CEP43: variants seen among roughly 807,000 people sequenced by gnomAD.
CEP43 encodes FGFR1 oncogene partner.
A neutral mutation model predicts 52.6 loss-of-function variants in CEP43; 36 were observed. That is an observed-to-expected ratio of 0.68 (90% CI 0.52 to 0.90). The LOEUF (loss-of-function observed/expected upper bound fraction) is 0.90. Ranked by LOEUF, CEP43 falls within the 40% of genes least tolerant of loss-of-function variation. CEP43 has a pLI of 0.00. For missense variants in CEP43, 506 were observed against 472.8 expected, an observed-to-expected ratio of 1.07 and a Z score of -0.65; for synonymous variants, 192 against 172.4, an observed-to-expected ratio of 1.11 and a Z score of -0.89.
At chr6:167,016,528 C>G (rs1451516953) in intron 7 of CEP43, among the ~76,000 whole-genome samples, 1 of 152,218 alleles carries the variant, frequency 6.6e-6, no homozygotes, top group Non-Finnish European at 1.5e-5. Context: ...TCCCAAAGTG[C>G]TGGGATTACA....
intron 7 of CEP43, among the ~76,000 whole-genome samples, chr6:167,016,998 T>TTA (rs1459909735): frequency 7.4e-5 from 11 of 149,184 alleles, no homozygotes; most frequent in Middle Eastern, 3.4e-3. Context: ...TTATTTTTTT[T>TTA]TTTTTTTATT....
chr6:167,011,713 G>T, intron 6 of CEP43: 1 of 153,936 alleles, frequency 6.5e-6, no homozygotes, highest in South Asian at 1.9e-4. Context: ...CCAAGATCAC[G>T]GCATCACTGT....
At chr6:167,037,760 T>A (rs1780612763) in intron 12 of CEP43, among the ~76,000 whole-genome samples, 1 of 152,224 alleles carries the variant, frequency 6.6e-6, no homozygotes, top group Non-Finnish European at 1.5e-5. Context: ...CTACAAGATG[T>A]TCCTATTCTT....
rs1780802743 is a variant in CEP43, at chr6:167,046,492, A to G, written c.*6514A>G. 1 of 152,228 alleles carries G rather than the reference A, an allele frequency of 6.6e-6. No homozygotes were observed. The allele number at this position is 152,228 out of a possible 1,614,324, so 9.4% of individuals were successfully genotyped here. A position where few individuals can be genotyped will look rare whatever the true frequency, so the allele number is the denominator to read the frequency against. On this transcript the variant is annotated 3_prime_UTR_variant, in exon 13 of 13. Transcript: ENST00000366847. ...GCAGAAGGTGTGTTTCTGGAGTTAAACTACAGGCTTGGAAATGGAATTTCT... is the reference window on the plus strand; with the variant it reads ...GCAGAAGGTGTGTTTCTGGAGTTAAGCTACAGGCTTGGAAATGGAATTTCT...
chr6:167,013,684 T>C (rs1053226990), intron 7 of CEP43, 117 bp downstream of exon 7: 4 of 808,704 alleles, frequency 4.9e-6, no homozygotes, highest in Non-Finnish European at 6.1e-6. Flanking sequence ...TTATGAAATG[T>C]CACTTGAGGC....
At chr6:167,022,277 C>T (rs1310191169) in intron 7 of CEP43, 132 bp from the exon 8 acceptor site, 1 of 631,816 alleles carries the variant, frequency 1.6e-6, no homozygotes, top group Non-Finnish European at 2.7e-6. Flanking sequence ...CACACACACA[C>T]ACACACACAC....
At chr6:167,015,838 A>C (rs964736275) in intron 7 of CEP43, among the ~76,000 whole-genome samples, 4 of 152,210 alleles carry the variant, frequency 2.6e-5, no homozygotes, top group African/African-American at 9.6e-5. Context: ...GGCAAAACTG[A>C]AGTTCTTATT....
chr6:167,001,281 G>T lies in CEP43; in HGVS notation c.156+1168G>T, dbSNP rs368717577. Among the ~76,000 whole-genome samples the T allele has an allele frequency of 1.9e-3, 291 of 152,308 alleles. 1 individual carries two copies. Among genetic ancestry groups the T allele is most frequent in the South Asian group, 0.011 (51 of 4,826 alleles). Reference sequence around the variant, plus strand: ...CACTCTGTCTTGTGTATACTTTCAAGTCTTTAATTATTTACTGTATCTTTG... The same window carrying T: ...CACTCTGTCTTGTGTATACTTTCAATTCTTTAATTATTTACTGTATCTTTG... On this transcript the variant is annotated intron_variant, in intron 2 of 12. Transcript: ENST00000366847.
Position 167,034,031 on chromosome 6 carries a change from C to T in CEP43, c.1125+60C>T, listed in dbSNP as rs1583291411. 5.2e-5 allele frequency: 38 copies of T among 724,934 alleles called. No individual in the cohort carries two copies. In the South Asian group the frequency reaches 7.7e-4, roughly 15 times the overall value. 44.9% of individuals were successfully genotyped at this position (724,934 alleles called of 1,614,324 possible). A position where few individuals can be genotyped will look rare whatever the true frequency, so the allele number is the denominator to read the frequency against. The stretch of plus-strand genomic sequence containing the variant: ...TTTTTTTAACCTATTTGTCGATTTA[C>T]TGTAAAGCTTCAAAATTCATACTAA... On this transcript the variant is annotated intron_variant, in intron 12 of 12. Coordinates refer to ENST00000366847, the MANE Select transcript of CEP43 (RefSeq NM_007045.4).
rs1294233496 is a variant in CEP43, at chr6:167,040,557, T to G, written c.*579T>G. Reference sequence around the variant, plus strand: ...GTTTGTTAGACCATTAAGGTTATATTAAAGTACTCTTGTGTGTGCTATTTA... The same window carrying G: ...GTTTGTTAGACCATTAAGGTTATATGAAAGTACTCTTGTGTGTGCTATTTA... On this transcript the variant is annotated 3_prime_UTR_variant, in exon 13 of 13. Coordinates refer to ENST00000366847, the MANE Select transcript of CEP43 (RefSeq NM_007045.4). 2 of 1,086,640 alleles carry G rather than the reference T, an allele frequency of 1.8e-6. No individual in the cohort carries two copies. The highest frequency in any genetic ancestry group is 2.2e-6 in the Non-Finnish European group (2 of 890,066). 67.3% of individuals were successfully genotyped at this position (1,086,640 alleles called of 1,614,324 possible).
At chr6:167,033,267 C>T (rs990653556) in intron 11 of CEP43, among the ~76,000 whole-genome samples, 5 of 151,764 alleles carry the variant, frequency 3.3e-5, no homozygotes, top group Admixed American at 2.6e-4. Flanking sequence ...CGTGCCACTA[C>T]GCCTGGCTAA....
chr6:167,045,908 C>T lies in CEP43; in HGVS notation c.*5930C>T, dbSNP rs1296419519. On this transcript the variant is annotated 3_prime_UTR_variant, in exon 13 of 13. Coordinates refer to ENST00000366847, the MANE Select transcript of CEP43 (RefSeq NM_007045.4). ...GAAGCATGCTTCATCCTGCACATCC[C>T]CTCCTGCCCCAGCACCCCTACTGCC... 6.6e-6 allele frequency: 1 copy of T among 152,078 alleles called. No homozygotes were observed. Among genetic ancestry groups the T allele is most frequent in the Non-Finnish European group, 1.5e-5 (1 of 68,048 alleles). 9.4% of individuals were successfully genotyped at this position (152,078 alleles called of 1,614,324 possible). A position where few individuals can be genotyped will look rare whatever the true frequency, so the allele number is the denominator to read the frequency against.
intron 10 of CEP43, among the ~76,000 whole-genome samples, chr6:167,027,130 G>A (rs73028288): frequency 0.02 from 3,083 of 152,304 alleles, 52 homozygotes; most frequent in East Asian, 0.091. Flanking sequence ...ATTCAGTCTA[G>A]TGGGGAAACA....
intron 7 of CEP43, 46 bp from the exon 8 acceptor site, chr6:167,022,363 G>T: frequency 7.3e-7 from 1 of 1,363,152 alleles, no homozygotes; most frequent in Non-Finnish European, 1.0e-6. Context: ...ATATCTTAAA[G>T]TTTTATCTCA....
Position 167,040,817 on chromosome 6 carries a change from A to G in CEP43, c.*839A>G. ...TGTAAGTTAATTGTATTAAAATCCAAATTGGAATGAAATAGTAGTAATGGC... is the reference window on the plus strand; with the variant it reads ...TGTAAGTTAATTGTATTAAAATCCAGATTGGAATGAAATAGTAGTAATGGC... On this transcript the variant is annotated 3_prime_UTR_variant, in exon 13 of 13. Transcript: ENST00000366847. 9.8e-7 allele frequency: 1 copy of G among 1,021,088 alleles called. No individual in the cohort carries two copies. Among genetic ancestry groups the G allele is most frequent in the Non-Finnish European group, 1.2e-6 (1 of 850,658 alleles). 63.3% of individuals were successfully genotyped at this position (1,021,088 alleles called of 1,614,324 possible). A position where few individuals can be genotyped will look rare whatever the true frequency, so the allele number is the denominator to read the frequency against.
chr6:167,036,083 CAGAG>C, intron 12 of CEP43: 1 of 985,004 alleles, frequency 1.0e-6, no homozygotes, highest in African/African-American at 1.7e-5. Flanking sequence ...TATGCAGGAT[CAGAG>C]AGAGAAAAGC....
rs192881193 is a variant in CEP43, at chr6:167,044,694, C to T, written c.*4716C>T. On this transcript the variant is annotated 3_prime_UTR_variant, in exon 13 of 13. Coordinates refer to ENST00000366847, the MANE Select transcript of CEP43 (RefSeq NM_007045.4). ...ACAAGGTAAGGTCGAGCTGGCCCCT[C>T]GTGTCATCCGACTTTGCGTTGTGGC... The T allele has an allele frequency of 5.3e-5, 18 of 338,450 alleles. No individual in the cohort carries two copies. The East Asian group carries it at 8.4e-4, about 16-fold the overall frequency. The allele number at this position is 338,450 out of a possible 1,614,324, so 21.0% of individuals were successfully genotyped here.
At chr6:167,034,473 A>G (rs541707531) in intron 12 of CEP43, among the ~76,000 whole-genome samples, 3 of 152,314 alleles carry the variant, frequency 2.0e-5, no homozygotes, top group African/African-American at 4.8e-5. Context: ...TTACCTTTTT[A>G]TGTGGGTGGA....
chr6:167,016,236 C>G (rs1411655954), intron 7 of CEP43, among the ~76,000 whole-genome samples: 2 of 151,916 alleles, frequency 1.3e-5, no homozygotes, highest in Admixed American at 6.5e-5. Flanking sequence ...AAAGATCATC[C>G]TTTCTTCTTA....
Sources: allele counts gnomAD v4.1 joint callset (sites outside exome capture counted in the v4.1 genomes callset), GRCh38; gene constraint gnomAD v4.1.1; transcripts MANE v1.5; gene names NCBI Gene and HGNC (gene_info 2026-07-23, HGNC 2026-07-21).